PLA2G4A: variants seen among roughly 807,000 people sequenced by gnomAD.
The protein encoded by PLA2G4A is cytosolic phospholipase A2.
PLA2G4A carries 40 observed loss-of-function variants against 81.9 expected under a neutral mutation model. That is an observed-to-expected ratio of 0.49 (90% CI 0.38 to 0.64). The LOEUF (loss-of-function observed/expected upper bound fraction) is 0.64. Ranked by LOEUF, PLA2G4A falls within the 30% of genes least tolerant of loss-of-function variation. The probability of loss-of-function intolerance (pLI) is 0.00; values close to 1 mark genes in which losing one functional copy is unlikely to be tolerated. For missense variants in PLA2G4A, 715 were observed against 905.1 expected (o/e 0.79, Z 2.69); for synonymous variants, 302 against 296.9 (o/e 1.02, Z -0.18).
At chr1:186,950,518 T>G in intron 12 of PLA2G4A, 139 bp from the exon 13 acceptor site, 1 of 537,116 alleles carries the variant, frequency 1.9e-6, no homozygotes. Flanking sequence ...AATCTAGAAT[T>G]ATTAAATGGA....
rs771364518 is a variant in PLA2G4A at position 186,870,525 on chromosome 1, C to T, written c.115+9C>T. 9 of 1,565,818 alleles carry T rather than the reference C, an allele frequency of 5.7e-6. No homozygotes were observed. In the East Asian group the frequency reaches 9.0e-5, roughly 16 times the overall value. ...GGCCTTTGGTGACATGCGTAAGTGC[C>T]CTTTTTTTCTTTGCTGTTAAACATG... On this transcript the variant is annotated intron_variant, in intron 3 of 17. Coordinates refer to ENST00000367466, the MANE Select transcript of PLA2G4A (RefSeq NM_024420.3).
intron 17 of PLA2G4A, among the ~76,000 whole-genome samples, chr1:186,981,825 C>G (rs1411716766): frequency 1.3e-5 from 2 of 152,150 alleles, no homozygotes; most frequent in African/African-American, 4.8e-5. Context: ...CCAAAGTAGG[C>G]TAACTCATCT....
intron 2 of PLA2G4A, among the ~76,000 whole-genome samples, chr1:186,860,718 C>T (rs1652767543): frequency 6.6e-6 from 1 of 152,186 alleles, no homozygotes; most frequent in Non-Finnish European, 1.5e-5. Flanking sequence ...CTGCCACAAG[C>T]CTCCCTTAGG....
chr1:186,949,384 AAAG>A (rs1476305916), intron 12 of PLA2G4A, among the ~76,000 whole-genome samples: 31 of 12,064 alleles, frequency 2.6e-3, no homozygotes, highest in East Asian at 0.056. Flanking sequence ...AGAAAGAAAG[AAAG>A]AAAAAAGAAA....
At chr1:186,933,024 A>G in intron 8 of PLA2G4A, 125 bp downstream of exon 8, 1 of 732,234 alleles carries the variant, frequency 1.4e-6, no homozygotes, top group South Asian at 1.7e-5. Flanking sequence ...GAAACTTTCC[A>G]GTTTGATGCC....
At chr1:186,854,848 G>A (rs1652495050) in intron 2 of PLA2G4A, among the ~76,000 whole-genome samples, 1 of 151,870 alleles carries the variant, frequency 6.6e-6, no homozygotes, top group Admixed American at 6.6e-5. Flanking sequence ...CTTAATTTTA[G>A]TGAAGAGTTA....
chr1:186,985,679 A>T (rs1330511772), intron 17 of PLA2G4A, among the ~76,000 whole-genome samples: 1 of 152,078 alleles, frequency 6.6e-6, no homozygotes, highest in Non-Finnish European at 1.5e-5. Flanking sequence ...ATTAGCAAAG[A>T]TTTAAGAGAT....
At chr1:186,945,282 A>G (rs1198984400) in intron 10 of PLA2G4A, among the ~76,000 whole-genome samples, 1 of 152,162 alleles carries the variant, frequency 6.6e-6, no homozygotes, top group African/African-American at 2.4e-5. Context: ...GGGATACGCA[A>G]GACAAAATGT....
rs779008484 is a variant in PLA2G4A at position 186,939,933 on chromosome 1, G to A, written c.919-47G>A. 1.2e-5 allele frequency: 10 copies of A among 858,132 alleles called. No homozygotes were observed. In the South Asian group the frequency reaches 1.2e-4, roughly 10 times the overall value. 53.2% of individuals were successfully genotyped at this position (858,132 alleles called of 1,614,324 possible). The stretch of plus-strand genomic sequence containing the variant: ...CTATTTTGAATAGCATTCTTTCTGT[G>A]TCTGTTTATAAATTTAAAGTCATCT... On this transcript the variant is annotated intron_variant, in intron 9 of 17. Coordinates refer to ENST00000367466, the MANE Select transcript of PLA2G4A (RefSeq NM_024420.3).
chr1:186,946,144 T>C (rs1192359542), intron 10 of PLA2G4A, among the ~76,000 whole-genome samples: 1 of 152,180 alleles, frequency 6.6e-6, no homozygotes, highest in Non-Finnish European at 1.5e-5. Context: ...ACCTAAAAAC[T>C]TTGTATTGCA....
At chr1:186,982,631 A>G (rs969395855) in intron 17 of PLA2G4A, among the ~76,000 whole-genome samples, 3 of 152,020 alleles carry the variant, frequency 2.0e-5, no homozygotes, top group Non-Finnish European at 4.4e-5. Flanking sequence ...TTTTTCCTGA[A>G]TTATATGAAC....
At chr1:186,875,967 A>G (rs1653482132) in intron 3 of PLA2G4A, among the ~76,000 whole-genome samples, 1 of 152,130 alleles carries the variant, frequency 6.6e-6, no homozygotes, top group Admixed American at 6.6e-5. Flanking sequence ...GGGTGATTCC[A>G]AACGGAATGA....
intron 2 of PLA2G4A, among the ~76,000 whole-genome samples, chr1:186,857,018 C>T (rs965879280): frequency 2.9e-5 from 3 of 103,066 alleles, no homozygotes; most frequent in African/African-American, 7.9e-5. Flanking sequence ...TCTGACCAGG[C>T]CTTATTACTG....
rs980362665 is a variant in PLA2G4A, at chr1:186,987,778, T to C, written c.2119-599T>C. On this transcript the variant is annotated intron_variant, in intron 17 of 17. Coordinates refer to ENST00000367466, the MANE Select transcript of PLA2G4A (RefSeq NM_024420.3). The stretch of plus-strand genomic sequence containing the variant: ...TTCTTCTGGTTACCATTAACATGGG[T>C]ATATGTAAAGAATATATATTGGATA... Among the ~76,000 whole-genome samples, 6 of 152,324 alleles carry C rather than the reference T, an allele frequency of 3.9e-5. No individual in the cohort carries two copies. The South Asian group carries it at 8.3e-4, about 21-fold the overall frequency.
chr1:186,910,846 A>G (rs369208351), intron 6 of PLA2G4A, among the ~76,000 whole-genome samples: 2 of 152,180 alleles, frequency 1.3e-5, no homozygotes, highest in African/African-American at 4.8e-5. Flanking sequence ...GTTAGAAAGT[A>G]ATTATGATGG....
intron 10 of PLA2G4A, among the ~76,000 whole-genome samples, chr1:186,942,187 AG>A (rs1186356453): frequency 2.0e-5 from 3 of 152,202 alleles, no homozygotes; most frequent in African/African-American, 7.2e-5. Context: ...TGGGGTTCAT[AG>A]TAGAGAGTTG....
intron 5 of PLA2G4A, among the ~76,000 whole-genome samples, chr1:186,904,821 A>C (rs930074661): frequency 6.6e-6 from 1 of 151,858 alleles, no homozygotes; most frequent in African/African-American, 2.4e-5. Context: ...CTTTTATTCA[A>C]TGGAGCTGTC....
intron 16 of PLA2G4A, among the ~76,000 whole-genome samples, chr1:186,978,984 A>G (rs1657627418): frequency 6.6e-6 from 1 of 152,200 alleles, no homozygotes; most frequent in African/African-American, 2.4e-5. Context: ...TGGAGTATTT[A>G]GATTCTAACT....
intron 2 of PLA2G4A, among the ~76,000 whole-genome samples, chr1:186,858,178 C>T (rs1423885925): frequency 6.6e-6 from 1 of 152,134 alleles, no homozygotes; most frequent in South Asian, 2.1e-4. Flanking sequence ...TGAGGAATCG[C>T]CACACTGTCT....
Sources: allele counts gnomAD v4.1 joint callset (sites outside exome capture counted in the v4.1 genomes callset), GRCh38; gene constraint gnomAD v4.1.1; transcripts MANE v1.5; gene names NCBI Gene and HGNC (gene_info 2026-07-23, HGNC 2026-07-21).